The following IQGAP1 variants were observed in gnomAD, a reference collection of about 807,000 sequenced individuals.
IQGAP1 encodes IQ motif containing GTPase activating protein 1, also known as ras GTPase-activating-like protein IQGAP1.
In IQGAP1, 66 loss-of-function variants were observed where a neutral mutation model predicts 215.6. The ratio of observed to expected loss-of-function variants is 0.31; its 90% CI spans 0.25 to 0.38. The LOEUF is 0.38. IQGAP1 is among the 10% of genes least tolerant of loss of function. The pLI, the probability that IQGAP1 is intolerant of heterozygous loss-of-function variation, is 1.00. For missense variants in IQGAP1, 1,712 were observed against 1,997.1 expected, an observed-to-expected ratio of 0.86 and a Z score of 2.72; for synonymous variants, 772 against 728.7, an observed-to-expected ratio of 1.06 and a Z score of -0.96.
chr15:90,402,514 G>A (rs879834681), intron 2 of IQGAP1, among the ~76,000 whole-genome samples: 9 of 152,200 alleles, frequency 5.9e-5, no homozygotes, highest in Non-Finnish European at 1.3e-4. Flanking sequence ...CCTAGGGCTT[G>A]GCTTCTGTTG....
chr15:90,407,579 A>G (rs1271370223), intron 2 of IQGAP1, among the ~76,000 whole-genome samples: 1 of 152,250 alleles, frequency 6.6e-6, no homozygotes, highest in Non-Finnish European at 1.5e-5. Context: ...TTTCAGGTTT[A>G]GACTGTGTAA....
rs143921317 is a variant in IQGAP1, at chr15:90,441,673, G to T, written c.817G>T (p.Ala273Ser). 189 of 1,600,804 alleles carry T rather than the reference G, an allele frequency of 1.2e-4. No homozygotes were observed. The East Asian group carries it at 4.1e-3, about 34-fold the overall frequency. ...YQAKQDKMTNAKNRTENSERE... is the reference protein window; with the variant it reads ...YQAKQDKMTNSKNRTENSERE... ...GGCTAAGCAGGACAAAATGACAAAT[G>T]CTAAAAACAGGGTAAAAATGCAACA... The change falls in exon 8 of 38, where the codon GCT (alanine) becomes TCT (serine). Residue 273 changes from alanine to serine, a missense_variant. Around this residue, in one of 2 missense-constraint regions of IQGAP1, gnomAD observed 1,021 missense variants for 1,074.2 expected, o/e 0.95. Coordinates refer to ENST00000268182, the MANE Select transcript of IQGAP1 (RefSeq NM_003870.4).
At chr15:90,485,564 C>T (rs1437348835) in intron 30 of IQGAP1, among the ~76,000 whole-genome samples, 2 of 152,094 alleles carry the variant, frequency 1.3e-5, no homozygotes, top group East Asian at 3.9e-4. Flanking sequence ...ATCAGCCTCC[C>T]TAGTAGCTGG....
At chr15:90,438,972 A>G (rs553350167) in intron 5 of IQGAP1, among the ~76,000 whole-genome samples, 2 of 152,006 alleles carry the variant, frequency 1.3e-5, no homozygotes, top group South Asian at 4.1e-4. Context: ...TGATCCGCCC[A>G]CCTCAGCCTC....
At position 90,482,298 on chromosome 15, in the gene IQGAP1, C is replaced by A. The variant is rs78081892; in HGVS notation, c.3555+17C>A. On this transcript the variant is annotated intron_variant, in intron 28 of 37. Transcript: ENST00000268182. ...CTGCTGAAGGTAAGAATCTCATAGC[C>A]GGCAGACTCCTGCCCTTTGAGGACA... 6.2e-7 allele frequency: 1 copy of A among 1,611,504 alleles called. No homozygotes were observed. The highest frequency in any genetic ancestry group is 8.5e-7 in the Non-Finnish European group (1 of 1,177,658).
At chr15:90,488,737 T>C (rs1389068689) in intron 33 of IQGAP1, among the ~76,000 whole-genome samples, 1 of 151,950 alleles carries the variant, frequency 6.6e-6, no homozygotes, top group African/African-American at 2.4e-5. Context: ...GTGGAAAGGA[T>C]TTGGGTGTGC....
chr15:90,455,965 A>G (rs959912119), intron 14 of IQGAP1, among the ~76,000 whole-genome samples, 187 bp from the exon 15 acceptor site: 2 of 152,236 alleles, frequency 1.3e-5, no homozygotes, highest in African/African-American at 4.8e-5. Flanking sequence ...ATATGAATAC[A>G]AGTGAGTTTA....
In IQGAP1 at chr15:90,472,883, T is replaced by C. The variant is rs377496381; in HGVS notation, c.2222T>C (p.Leu741Pro). 1 of 1,613,956 alleles carries C rather than the reference T, an allele frequency of 6.2e-7. No individual in the cohort carries two copies. Among genetic ancestry groups the C allele is most frequent in the Non-Finnish European group, 8.5e-7 (1 of 1,179,922 alleles). The change falls in exon 19 of 38, where the codon CTG becomes CCG. Residue 741 changes from leucine to proline, a missense_variant. Coordinates refer to ENST00000268182, the MANE Select transcript of IQGAP1 (RefSeq NM_003870.4). ...ACTGCCGCATATAACCGAGAACAGC[T>C]GTGGCTGGCCAATGAAGGCCTGATC... ...GVTAAYNREQ[L>P]WLANEGLITR...
intron 2 of IQGAP1, among the ~76,000 whole-genome samples, chr15:90,404,926 A>G (rs1964856853): frequency 1.3e-5 from 2 of 152,212 alleles, no homozygotes; most frequent in African/African-American, 2.4e-5. Flanking sequence ...AAGTTTTAAA[A>G]CATATTTGAA....
intron 2 of IQGAP1, among the ~76,000 whole-genome samples, chr15:90,399,732 C>T (rs932817814): frequency 3.9e-5 from 6 of 152,054 alleles, no homozygotes; most frequent in East Asian, 1.9e-4. Context: ...GAACTTATCC[C>T]GAACTTCTGG....
At chr15:90,434,647 G>A (rs1965346595) in intron 5 of IQGAP1, among the ~76,000 whole-genome samples, 1 of 152,122 alleles carries the variant, frequency 6.6e-6, no homozygotes, top group South Asian at 2.1e-4. Context: ...ATTAGTAGAT[G>A]CTTATACAGG....
At chr15:90,477,299 T>C in intron 25 of IQGAP1, 69 bp downstream of exon 25, 3 of 1,285,044 alleles carry the variant, frequency 2.3e-6, no homozygotes, top group Non-Finnish European at 1.1e-6. Context: ...TTGAGATTCA[T>C]GCCTTCCTGA....
chr15:90,495,284 G>C (rs1367790175), intron 36 of IQGAP1, among the ~76,000 whole-genome samples: 1 of 152,144 alleles, frequency 6.6e-6, no homozygotes, highest in South Asian at 2.1e-4. Flanking sequence ...CACAGGTCCT[G>C]GGCCCAGCGT....
intron 1 of IQGAP1, among the ~76,000 whole-genome samples, chr15:90,389,085 G>T (rs1382265379): frequency 6.6e-6 from 1 of 152,152 alleles, no homozygotes; most frequent in African/African-American, 2.4e-5. Context: ...TATATTGTGG[G>T]AATAATGTTC....
chr15:90,410,607 G>A (rs1158999206), intron 2 of IQGAP1, among the ~76,000 whole-genome samples: 2 of 148,934 alleles, frequency 1.3e-5, no homozygotes, highest in African/African-American at 4.9e-5. Context: ...AACACCGCAT[G>A]TTCTCACTCA....
At chr15:90,412,622 TC>T (rs1396552938) in intron 2 of IQGAP1, among the ~76,000 whole-genome samples, 2 of 152,192 alleles carry the variant, frequency 1.3e-5, no homozygotes, top group African/African-American at 4.8e-5. Flanking sequence ...TACTCTGCAT[TC>T]CTTTCTCTCA....
chr15:90,435,409 G>C (rs540218127), intron 5 of IQGAP1, among the ~76,000 whole-genome samples: 11 of 152,334 alleles, frequency 7.2e-5, no homozygotes, highest in African/African-American at 2.6e-4. Flanking sequence ...CGAGGAGTTT[G>C]AGACTGCAGT....
chr15:90,433,612 G>A (rs1965331876), intron 4 of IQGAP1, 107 bp from the exon 5 acceptor site: 4 of 599,852 alleles, frequency 6.7e-6, no homozygotes, highest in Admixed American at 2.8e-5. Flanking sequence ...GAATGCCACC[G>A]ATGTTTTCTA....
chr15:90,485,500 C>T (rs1014383658), intron 30 of IQGAP1, among the ~76,000 whole-genome samples: 5 of 151,998 alleles, frequency 3.3e-5, no homozygotes, highest in African/African-American at 4.8e-5. Context: ...AGTGCAATGG[C>T]GCAATCTTGG....
Sources: gnomAD v4.1 joint callset for allele counts (sites outside exome capture counted in the v4.1 genomes callset) on GRCh38, gnomAD v4.1.1 for gene constraint, gnomAD v4.1.1 regional missense constraint, MANE v1.5 for transcripts, NCBI Gene and HGNC (gene_info 2026-07-23, HGNC 2026-07-21) for gene names.